DCC: variants seen among roughly 807,000 people sequenced by gnomAD.
DCC encodes the protein DCC netrin 1 receptor.
DCC carries 58 observed loss-of-function variants against 172.5 expected under a neutral mutation model. The observed-to-expected ratio is 0.34, with a 90% CI of 0.27 to 0.42. The LOEUF (loss-of-function observed/expected upper bound fraction) is 0.42, where lower values mean the gene tolerates loss of function less well. DCC is among the 10% of genes least tolerant of loss of function. DCC has a pLI of 1.00. For missense variants in DCC, 1,740 were observed against 1,791.0 expected, an observed-to-expected ratio of 0.97 and a Z score of 0.51; for synonymous variants, 709 against 644.5, an observed-to-expected ratio of 1.10 and a Z score of -1.52.
chr18:53,526,861 C>CCCCAGGCCAT (rs2046462153), intron 28 of DCC, 102 bp downstream of exon 28: 1 of 1,069,480 alleles, frequency 9.4e-7, no homozygotes, highest in Admixed American at 1.8e-5. Flanking sequence ...CCCCAGGCCA[C>CCCCAGGCCAT]CCCAGGCCAT....
intron 5 of DCC, among the ~76,000 whole-genome samples, chr18:52,931,007 T>G (rs1374219338): frequency 3.2e-5 from 4 of 123,660 alleles, no homozygotes; most frequent in African/African-American, 1.1e-4. Context: ...ATGGTCTTGG[T>G]TCTTTTTGTC....
chr18:52,912,943 T>C (rs1332265250), intron 3 of DCC, among the ~76,000 whole-genome samples: 1 of 152,108 alleles, frequency 6.6e-6, no homozygotes, highest in Non-Finnish European at 1.5e-5. Flanking sequence ...AAATCAATTT[T>C]ATGAAATATG....
intron 1 of DCC, among the ~76,000 whole-genome samples, chr18:52,496,887 C>G (rs905019428): frequency 1.5e-4 from 23 of 151,738 alleles, no homozygotes; most frequent in African/African-American, 5.3e-4. Flanking sequence ...ACAGAATTTG[C>G]TTCTTTCACA....
chr18:53,498,093 A>G (rs1264693290), intron 26 of DCC, among the ~76,000 whole-genome samples: 1 of 152,238 alleles, frequency 6.6e-6, no homozygotes, highest in East Asian at 1.9e-4. Context: ...TTCTGAATAT[A>G]GAAGAATGAG....
At chr18:52,353,127 C>A (rs751970580) in intron 1 of DCC, among the ~76,000 whole-genome samples, 7 of 152,198 alleles carry the variant, frequency 4.6e-5, no homozygotes, top group African/African-American at 1.7e-4. Context: ...TAGTGGCAAG[C>A]TATGCCAACA....
chr18:53,457,137 C>A (rs2045493002), intron 23 of DCC, among the ~76,000 whole-genome samples: 1 of 152,168 alleles, frequency 6.6e-6, no homozygotes, highest in South Asian at 2.1e-4. Flanking sequence ...TAGAACTTGT[C>A]TTGATCTGAT....
intron 5 of DCC, among the ~76,000 whole-genome samples, chr18:52,938,082 G>A (rs372030782): frequency 3.9e-5 from 6 of 152,174 alleles, no homozygotes; most frequent in African/African-American, 1.4e-4. Context: ...GTTATGACAC[G>A]CATTCTCCGT....
intron 2 of DCC, among the ~76,000 whole-genome samples, chr18:52,803,930 C>T (rs533902683): frequency 1.2e-4 from 19 of 152,220 alleles, no homozygotes; most frequent in African/African-American, 3.4e-4. Context: ...TATGTGATGA[C>T]GTTTTGCTGG....
intron 5 of DCC, among the ~76,000 whole-genome samples, chr18:52,983,175 C>T (rs11662096): frequency 0.024 from 3,653 of 152,162 alleles, 70 homozygotes; most frequent in Admixed American, 0.052. Context: ...GCAATTTGCC[C>T]TCTAGCTTCC....
intron 1 of DCC, among the ~76,000 whole-genome samples, chr18:52,347,736 G>A (rs1168159096): frequency 6.6e-6 from 1 of 152,132 alleles, no homozygotes; most frequent in East Asian, 1.9e-4. Context: ...TAATGATTCT[G>A]TAGCATCTGA....
At chr18:52,488,136 G>A (rs775502373) in intron 1 of DCC, among the ~76,000 whole-genome samples, 15 of 152,094 alleles carry the variant, frequency 9.9e-5, no homozygotes, top group Non-Finnish European at 2.2e-4. Flanking sequence ...ATGATGTTTT[G>A]TGTTTATTCT....
At chr18:53,480,786 A>G (rs2045822267) in intron 25 of DCC, 1 of 152,218 alleles carries the variant, frequency 6.6e-6, no homozygotes, top group African/African-American at 2.4e-5. Context: ...TTTGCTCTTC[A>G]ACGTGTAGCT....
At chr18:52,916,460 T>A (rs1171988611) in intron 3 of DCC, among the ~76,000 whole-genome samples, 1 of 152,182 alleles carries the variant, frequency 6.6e-6, no homozygotes, top group African/African-American at 2.4e-5. Flanking sequence ...CTGATGGGAT[T>A]GGTGGTGAGA....
At chr18:52,556,377 A>T (rs1026359) in intron 1 of DCC, among the ~76,000 whole-genome samples, 145,361 of 152,052 alleles carry the variant, frequency 0.96, 69,856 homozygotes, top group Middle Eastern at 1. Flanking sequence ...ACATAAAGAC[A>T]ACATAGAATA....
chr18:52,666,619 C>T (rs12955175), intron 1 of DCC, among the ~76,000 whole-genome samples: 6,209 of 152,150 alleles, frequency 0.041, 159 homozygotes, highest in Middle Eastern at 0.14. Context: ...TTATTTTTGT[C>T]TGTGCAGATA....
At chr18:52,723,107 C>G (rs191977905) in intron 1 of DCC, among the ~76,000 whole-genome samples, 1 of 152,222 alleles carries the variant, frequency 6.6e-6, no homozygotes, top group East Asian at 1.9e-4. Context: ...GATTAGCTAT[C>G]GCTACCCCTC....
At position 53,085,995 on chromosome 18, in the gene DCC, C is replaced by CTTATCATTATTATTA. The variant is rs1361059748; in HGVS notation, c.1261+19830_1261+19831insTATCATTATTATTAT. 4.0e-5 allele frequency among the ~76,000 whole-genome samples: 2 copies of CTTATCATTATTATTA among 50,124 alleles called. 1 individual carries two copies. The highest frequency in any genetic ancestry group is 5.0e-4 in the African/African-American group (2 of 4,030). 32.9% of individuals were successfully genotyped at this position (50,124 alleles called of 152,430 possible). Reference sequence around the variant, plus strand: ...TCTTCTTCTTCTTCTTCTTCTCCTTCTCCTTCTTCTCCTTCTCCTTCTCCC... The same window carrying CTTATCATTATTATTA: ...TCTTCTTCTTCTTCTTCTTCTCCTTCTTATCATTATTATTATCCTTCTTCTCCTTCTCCTTCTCCC... On this transcript the variant is annotated intron_variant, in intron 7 of 28. Transcript: ENST00000442544.
At chr18:52,427,315 C>A (rs1987461921) in intron 1 of DCC, among the ~76,000 whole-genome samples, 1 of 152,062 alleles carries the variant, frequency 6.6e-6, no homozygotes, top group Admixed American at 6.6e-5. Context: ...TTCCCCTGCA[C>A]TACATCCAGG....
chr18:52,621,418 C>A (rs909666779), intron 1 of DCC, among the ~76,000 whole-genome samples: 5 of 152,092 alleles, frequency 3.3e-5, no homozygotes, highest in Non-Finnish European at 7.4e-5. Context: ...CTCAGGAGGG[C>A]TCATTAGATG....
Sources: gnomAD v4.1 joint callset for allele counts (sites outside exome capture counted in the v4.1 genomes callset) on GRCh38, gnomAD v4.1.1 for gene constraint, MANE v1.5 for transcripts, NCBI Gene and HGNC (gene_info 2026-07-23, HGNC 2026-07-21) for gene names.